Variants in CHN1 observed in about 807,000 individuals in gnomAD.
CHN1 encodes the protein chimerin 1, also known as N-chimaerin.
In CHN1, 37 loss-of-function variants were observed where a neutral mutation model predicts 59.5. The ratio of observed to expected loss-of-function variants is 0.62; its 90% confidence interval spans 0.48 to 0.82. The LOEUF (loss-of-function observed/expected upper bound fraction) is 0.82. CHN1 is among the 40% of genes least tolerant of loss of function. CHN1 has a pLI of 0.00. For synonymous variants in CHN1, 206 were observed against 200.4 expected (o/e 1.03, Z -0.24); for missense variants, 469 against 571.0 (o/e 0.82, Z 1.82).
intron 1 of CHN1, among the ~76,000 whole-genome samples, chr2:174,998,302 C>CAAAAA (rs34770658): frequency 8.2e-5 from 4 of 48,738 alleles, no homozygotes; most frequent in African/African-American, 2.6e-4. Flanking sequence ...GACTCTGTCT[C>CAAAAA]AAAAAAAAAA....
chr2:174,970,686 T>C (rs1159444382), intron 1 of CHN1, among the ~76,000 whole-genome samples: 1 of 152,184 alleles, frequency 6.6e-6, no homozygotes, highest in Non-Finnish European at 1.5e-5. Context: ...TCCAGTCAAA[T>C]ACAAGATAGA....
In CHN1 at chr2:174,905,103, A is replaced by G. The variant is rs150707772; in HGVS notation, c.260+9955T>C. 1.4e-3 allele frequency among the ~76,000 whole-genome samples: 207 copies of G among 152,320 alleles called. 2 individuals carry two copies. The highest frequency in any genetic ancestry group is 2.5e-3 in the Non-Finnish European group (169 of 68,032). On this transcript the variant is annotated intron_variant, in intron 5 of 12. Coordinates refer to ENST00000409900, the MANE Select transcript of CHN1 (RefSeq NM_001822.7). Reference sequence around the variant, plus strand: ...AATGTTAGCTAATATTATATTTATAAAACTGTTAAGTCCATTAAAAAAAAT... The same window carrying G: ...AATGTTAGCTAATATTATATTTATAGAACTGTTAAGTCCATTAAAAAAAAT...
chr2:174,916,755 GTCCAAAGGCTAATGC>G (rs1371819370), intron 4 of CHN1, among the ~76,000 whole-genome samples: 1 of 152,186 alleles, frequency 6.6e-6, no homozygotes, highest in Non-Finnish European at 1.5e-5. Context: ...TGAGAACTAG[GTCCAAAGGCTAATGC>G]TTTGAATCTG....
intron 6 of CHN1, among the ~76,000 whole-genome samples, chr2:174,874,295 T>C (rs1687493663): frequency 6.6e-6 from 1 of 152,220 alleles, no homozygotes; most frequent in African/African-American, 2.4e-5. Flanking sequence ...GTTGGGCTCT[T>C]GGCCAGTCTG....
At chr2:174,897,399 C>A (rs745816008) in intron 5 of CHN1, among the ~76,000 whole-genome samples, 3 of 151,306 alleles carry the variant, frequency 2.0e-5, no homozygotes, top group Non-Finnish European at 4.4e-5. Flanking sequence ...GAATTATCAA[C>A]AGATAAAATA....
At chr2:174,885,035 C>T (rs1408788639) in intron 5 of CHN1, among the ~76,000 whole-genome samples, 2 of 151,842 alleles carry the variant, frequency 1.3e-5, no homozygotes, top group Non-Finnish European at 2.9e-5. Flanking sequence ...TGCCTGTAAT[C>T]CCAGCACTTT....
intron 6 of CHN1, among the ~76,000 whole-genome samples, chr2:174,863,696 G>A (rs1316264416): frequency 1.3e-5 from 2 of 152,034 alleles, no homozygotes; most frequent in African/African-American, 2.4e-5. Context: ...CTTCAGAACC[G>A]CATATCTAAT....
At chr2:174,923,342 G>A (rs939149865) in intron 3 of CHN1, among the ~76,000 whole-genome samples, 4 of 151,968 alleles carry the variant, frequency 2.6e-5, no homozygotes, top group African/African-American at 7.2e-5. Context: ...GGGTTTCACC[G>A]TGTTAGCCAG....
At position 174,800,142 on chromosome 2, in the gene CHN1, T is replaced by G; in HGVS notation, c.1354A>C (p.Ile452Leu). ...TAAAATAAAATGTCTTCGTTTTTGA[T>G]AAGCAGCTCCACCACCAGTCTCTGA... ...RYQRLVVELLIKNEDILF is the reference protein window; with the variant it reads ...RYQRLVVELLLKNEDILF Residue 452 changes from isoleucine to leucine, a missense_variant, in exon 13 of 13, where the codon ATC becomes CTC. Ile to Leu is a conservative substitution (Grantham distance 5). Coordinates refer to ENST00000409900, the MANE Select transcript of CHN1 (RefSeq NM_001822.7). 6.4e-7 allele frequency: 1 copy of G among 1,570,676 alleles called. No individual in the cohort carries two copies. Among genetic ancestry groups the G allele is most frequent in the South Asian group, 1.2e-5 (1 of 80,720 alleles).
chr2:174,852,305 T>C (rs1422798033), intron 6 of CHN1, among the ~76,000 whole-genome samples: 5 of 151,518 alleles, frequency 3.3e-5, no homozygotes, highest in Non-Finnish European at 5.9e-5. Flanking sequence ...ACAAAACCGG[T>C]AACGAAAACA....
At chr2:174,931,764 A>G (rs921742187) in intron 3 of CHN1, among the ~76,000 whole-genome samples, 3 of 152,232 alleles carry the variant, frequency 2.0e-5, no homozygotes, top group African/African-American at 4.8e-5. Context: ...AGTGGTCACA[A>G]TGGGCCTCGC....
At chr2:174,832,731 G>A (rs945930190) in intron 7 of CHN1, among the ~76,000 whole-genome samples, 1 of 151,922 alleles carries the variant, frequency 6.6e-6, no homozygotes, top group Non-Finnish European at 1.5e-5. Flanking sequence ...TTAATGATAG[G>A]GACACTCTCT....
intron 1 of CHN1, among the ~76,000 whole-genome samples, chr2:174,992,830 C>T (rs1175744385): frequency 6.6e-6 from 1 of 151,822 alleles, no homozygotes; most frequent in Non-Finnish European, 1.5e-5. Context: ...GAGACAGAGT[C>T]TGACTCTGTC....
intron 6 of CHN1, among the ~76,000 whole-genome samples, chr2:174,855,916 T>C (rs1290862839): frequency 1.3e-5 from 2 of 152,162 alleles, no homozygotes; most frequent in East Asian, 3.8e-4. Flanking sequence ...TCCATGTCTA[T>C]TTGACTTCAA....
At chr2:174,997,902 G>A (rs1181451317) in intron 1 of CHN1, among the ~76,000 whole-genome samples, 3 of 149,962 alleles carry the variant, frequency 2.0e-5, no homozygotes, top group African/African-American at 4.9e-5. Flanking sequence ...CAGGAGAATC[G>A]CTCAAATCCG....
At chr2:174,992,556 T>C (rs958751468) in intron 1 of CHN1, among the ~76,000 whole-genome samples, 5 of 152,200 alleles carry the variant, frequency 3.3e-5, no homozygotes, top group Non-Finnish European at 7.3e-5. Flanking sequence ...AGAACAAATA[T>C]TCAAACAAGC....
In CHN1 at chr2:174,917,769, A is replaced by T. The variant is rs1042130559; in HGVS notation, c.146+765T>A. 3.9e-5 allele frequency among the ~76,000 whole-genome samples: 6 copies of T among 152,238 alleles called. No individual in the cohort carries two copies. In the South Asian group the frequency reaches 1.0e-3, roughly 26 times the overall value. On this transcript the variant is annotated intron_variant, in intron 4 of 12. Coordinates refer to ENST00000409900, the MANE Select transcript of CHN1 (RefSeq NM_001822.7). The stretch of plus-strand genomic sequence containing the variant: ...AAACATAAAGAATTTTAAATAATTT[A>T]AAAATATTTATAATGTATACTTTTA...
At chr2:174,880,860 C>A (rs1687711633) in intron 5 of CHN1, among the ~76,000 whole-genome samples, 1 of 152,064 alleles carries the variant, frequency 6.6e-6, no homozygotes, top group Non-Finnish European at 1.5e-5. Flanking sequence ...CCAGCCTAAC[C>A]AACATGGAGA....
chr2:174,966,929 A>G (rs1458827679), intron 1 of CHN1, among the ~76,000 whole-genome samples: 1 of 152,198 alleles, frequency 6.6e-6, no homozygotes, highest in African/African-American at 2.4e-5. Context: ...TTTGTTGGGT[A>G]CATTTCAAAA....
Sources: allele counts gnomAD v4.1 joint callset (sites outside exome capture counted in the v4.1 genomes callset), GRCh38; gene constraint gnomAD v4.1.1; transcripts MANE v1.5; gene names NCBI Gene and HGNC (gene_info 2026-07-23, HGNC 2026-07-21).